Variants in SNX13 observed in about 807,000 individuals in gnomAD.
SNX13 encodes the protein sorting nexin-13.
Under a neutral mutation model 133.6 loss-of-function variants are expected in SNX13, and 45 were observed. The ratio of observed to expected loss-of-function variants is 0.34; its 90% CI spans 0.27 to 0.43. SNX13 has a LOEUF of 0.43. Ranked by LOEUF, SNX13 falls within the 20% of genes least tolerant of loss-of-function variation. SNX13 has a pLI of 1.00. For synonymous variants in SNX13, 414 were observed against 373.9 expected (o/e 1.11, Z -1.24); for missense variants, 1,032 against 1,145.1 (o/e 0.90, Z 1.43).
intron 16 of SNX13, among the ~76,000 whole-genome samples, chr7:17,827,863 A>C (rs1456365506): frequency 1.3e-5 from 2 of 151,908 alleles, no homozygotes; most frequent in African/African-American, 4.8e-5. Context: ...TATGTGAAAG[A>C]TAGAAGACTC....
At chr7:17,907,183 T>A (rs376551735) in intron 1 of SNX13, 4 of 152,178 alleles carry the variant, frequency 2.6e-5, no homozygotes, top group African/African-American at 4.8e-5. Flanking sequence ...CAATGATTGA[T>A]TCACTGCCAG....
Position 17,810,787 on chromosome 7 carries a change from T to G in SNX13, c.2064+4047A>C, listed in dbSNP as rs6972411. ...ATGTGAAACTGAATCCAGCAGCACA[T>G]CAAAAAGCCTATCCACCACAATCAA... On this transcript the variant is annotated intron_variant, in intron 20 of 25. Transcript: ENST00000428135. Among the ~76,000 whole-genome samples the G allele has an allele frequency of 4.6e-3, 695 of 152,200 alleles. 6 individuals are homozygous for G. The highest frequency in any genetic ancestry group is 0.015 in the African/African-American group (640 of 41,522).
chr7:17,847,989 C>A (rs889225781), intron 11 of SNX13, among the ~76,000 whole-genome samples: 1 of 152,146 alleles, frequency 6.6e-6, no homozygotes, highest in Non-Finnish European at 1.5e-5. Context: ...ACACCACCCC[C>A]TCAAGCCAAA....
At chr7:17,915,667 C>T (rs1206908736) in intron 1 of SNX13, among the ~76,000 whole-genome samples, 1 of 152,106 alleles carries the variant, frequency 6.6e-6, no homozygotes, top group Non-Finnish European at 1.5e-5. Flanking sequence ...TAACCTACAA[C>T]TACCACACCT....
intron 1 of SNX13, among the ~76,000 whole-genome samples, chr7:17,919,227 TC>T (rs1799872806): frequency 6.6e-6 from 1 of 152,142 alleles, no homozygotes; most frequent in Non-Finnish European, 1.5e-5. Context: ...TGCACATTTA[TC>T]CCCTGAACTT....
chr7:17,889,464 T>C lies in SNX13; in HGVS notation c.440+899A>G, dbSNP rs149404424. Reference sequence around the variant, plus strand: ...CTGGAAATACCTAGCAGGGCAATCTTTGCGTGTGATGGTAGCAACATATTT... The same window carrying C: ...CTGGAAATACCTAGCAGGGCAATCTCTGCGTGTGATGGTAGCAACATATTT... On this transcript the variant is annotated intron_variant, in intron 5 of 25. Coordinates refer to ENST00000428135, the MANE Select transcript of SNX13 (RefSeq NM_015132.5). 386 of 152,234 alleles carry C rather than the reference T, an allele frequency of 2.5e-3. 1 individual carries two copies. Among genetic ancestry groups the C allele is most frequent in the African/African-American group, 8.9e-3 (371 of 41,536 alleles). 9.4% of individuals were successfully genotyped at this position (152,234 alleles called of 1,614,324 possible). A position where few individuals can be genotyped will look rare whatever the true frequency, so the allele number is the denominator to read the frequency against.
intron 1 of SNX13, chr7:17,898,442 T>TA (rs1797455052): frequency 1.3e-5 from 2 of 152,208 alleles, no homozygotes; most frequent in African/African-American, 2.4e-5. Flanking sequence ...AGGAGGGCTT[T>TA]ATTTATTCAT....
intron 12 of SNX13, among the ~76,000 whole-genome samples, chr7:17,845,053 C>T (rs1790326568): frequency 6.6e-6 from 1 of 152,024 alleles, no homozygotes; most frequent in Admixed American, 6.6e-5. Context: ...GTGTTTGCCA[C>T]TTCGTTTCAA....
intron 16 of SNX13, among the ~76,000 whole-genome samples, chr7:17,828,665 T>C (rs1217567291): frequency 6.6e-6 from 1 of 151,668 alleles, no homozygotes; most frequent in Non-Finnish European, 1.5e-5. Context: ...AATAGATTTA[T>C]GGGAATAAAA....
At chr7:17,805,260 C>CGCGCGCGCGCGCGT (rs1292218069) in intron 20 of SNX13, among the ~76,000 whole-genome samples, 1 of 100,430 alleles carries the variant, frequency 1.0e-5, no homozygotes, top group Non-Finnish European at 2.0e-5. Context: ...TGCGTGCGCG[C>CGCGCGCGCGCGCGT]GCGCGCATGC....
At chr7:17,939,175 T>C (rs778001648) in intron 1 of SNX13, among the ~76,000 whole-genome samples, 1 of 152,200 alleles carries the variant, frequency 6.6e-6, no homozygotes, top group Non-Finnish European at 1.5e-5. Flanking sequence ...TGCTTTACCA[T>C]CACTTTTCAC....
At chr7:17,902,784 G>A (rs370442297) in intron 1 of SNX13, among the ~76,000 whole-genome samples, 7 of 152,262 alleles carry the variant, frequency 4.6e-5, no homozygotes, top group African/African-American at 1.7e-4. Flanking sequence ...GAACTGGGCC[G>A]CACAGCAGGA....
intron 2 of SNX13, among the ~76,000 whole-genome samples, chr7:17,895,033 C>T (rs1797055357): frequency 6.6e-6 from 1 of 152,154 alleles, no homozygotes; most frequent in Non-Finnish European, 1.5e-5. Flanking sequence ...TATTAAGATT[C>T]AAGTTGGCCC....
chr7:17,927,416 A>G (rs974034137), intron 1 of SNX13, among the ~76,000 whole-genome samples: 1 of 151,610 alleles, frequency 6.6e-6, no homozygotes, highest in Non-Finnish European at 1.5e-5. Context: ...CTAATTTTTT[A>G]ATTTTTTGCA....
At chr7:17,906,491 C>G (rs546996382) in intron 1 of SNX13, among the ~76,000 whole-genome samples, 17 of 152,024 alleles carry the variant, frequency 1.1e-4, no homozygotes, top group Admixed American at 9.8e-4. Context: ...ATGGTAAATT[C>G]ACACGTAGTT....
chr7:17,938,521 G>A (rs1171912675), intron 1 of SNX13, among the ~76,000 whole-genome samples: 2 of 152,196 alleles, frequency 1.3e-5, no homozygotes, highest in Non-Finnish European at 2.9e-5. Flanking sequence ...TGGGCTAGGT[G>A]GCAACTGCCA....
chr7:17,849,464 A>G (rs974460264), intron 11 of SNX13, among the ~76,000 whole-genome samples: 6 of 152,162 alleles, frequency 3.9e-5, no homozygotes, highest in African/African-American at 1.4e-4. Flanking sequence ...CTTTGTGTCT[A>G]TTCTCCACAA....
intron 9 of SNX13, among the ~76,000 whole-genome samples, chr7:17,858,688 T>A (rs905463373): frequency 6.6e-6 from 1 of 152,094 alleles, no homozygotes; most frequent in African/African-American, 2.4e-5. Context: ...AGAACAAGTG[T>A]AAGAGACTCA....
intron 25 of SNX13, 34 bp from the exon 26 acceptor site, chr7:17,794,326 T>C: frequency 2.5e-6 from 4 of 1,585,586 alleles, no homozygotes; most frequent in East Asian, 2.2e-5. Flanking sequence ...ACATAATTAT[T>C]CAAAGGAAAC....
Sources: gnomAD v4.1 joint callset for allele counts (sites outside exome capture counted in the v4.1 genomes callset) on GRCh38, gnomAD v4.1.1 for gene constraint, MANE v1.5 for transcripts, NCBI Gene and HGNC (gene_info 2026-07-23, HGNC 2026-07-21) for gene names.